Variants in SNX8 observed in about 807,000 individuals in gnomAD.
SNX8 encodes the protein sorting nexin 8.
In SNX8, 25 loss-of-function variants were observed where a neutral mutation model predicts 51.6. The ratio of observed to expected loss-of-function variants is 0.48; its 90% CI spans 0.35 to 0.68. The LOEUF (loss-of-function observed/expected upper bound fraction) is 0.68. SNX8 is among the 30% of genes least tolerant of loss of function. SNX8 has a pLI of 0.00. For synonymous variants in SNX8, 324 were observed against 277.0 expected (o/e 1.17, Z -1.68); for missense variants, 695 against 624.0 (o/e 1.11, Z -1.21).
intron 5 of SNX8, among the ~76,000 whole-genome samples, chr7:2,267,511 G>T (rs868574307): frequency 7.8e-5 from 10 of 128,634 alleles, no homozygotes; most frequent in African/African-American, 2.5e-4. Context: ...ACGGGGTTTC[G>T]CTGTGTTGGC....
At chr7:2,290,133 C>A (rs762409520) in intron 1 of SNX8, among the ~76,000 whole-genome samples, 2 of 152,112 alleles carry the variant, frequency 1.3e-5, no homozygotes, top group Non-Finnish European at 2.9e-5. Context: ...GTGGAGGTTG[C>A]AGTGCGCGGA....
chr7:2,327,745 T>G (rs1221252254), intron 1 of SNX8, among the ~76,000 whole-genome samples: 4 of 151,944 alleles, frequency 2.6e-5, no homozygotes, highest in Middle Eastern at 3.4e-3. Context: ...GGTTTCACCG[T>G]GTTAGCCAGG....
rs1301616699 is a variant in SNX8, at chr7:2,314,335, CG to C, written c.86del (p.Pro29ArgfsTer62). The C allele has an allele frequency of 4.1e-6, 5 of 1,223,224 alleles. No individual in the cohort carries two copies. Among genetic ancestry groups the C allele is most frequent in the South Asian group, 4.1e-5 (1 of 24,482 alleles). 75.8% of individuals were successfully genotyped at this position (1,223,224 alleles called of 1,614,324 possible). On this transcript the variant is annotated frameshift_variant, in exon 1 of 11. Transcript: ENST00000222990. LOFTEE classifies it high-confidence loss of function. ...EAEADEEADP[P>X]ASDLPTPQAI... is the part of the protein sequence containing the mutation. ...CGCCGCCCCACGCCCTACCTGACGC[CG>C]GGGGATCCGCCTCCTCGTCAGCCTC...
intron 1 of SNX8, among the ~76,000 whole-genome samples, chr7:2,342,688 G>A (rs1778955086): frequency 6.6e-6 from 1 of 151,796 alleles, no homozygotes; most frequent in Non-Finnish European, 1.5e-5. Flanking sequence ...TACAGTGCAT[G>A]ACAAAAGTAT....
At chr7:2,336,472 G>A (rs1234685915) in intron 1 of SNX8, among the ~76,000 whole-genome samples, 1 of 152,024 alleles carries the variant, frequency 6.6e-6, no homozygotes, top group Non-Finnish European at 1.5e-5. Flanking sequence ...ACTTTGGGAG[G>A]CCAAGGCAGG....
intron 1 of SNX8, among the ~76,000 whole-genome samples, chr7:2,298,858 ATTT>A (rs951919273): frequency 6.6e-6 from 1 of 150,718 alleles, no homozygotes; most frequent in African/African-American, 2.5e-5. Context: ...CGCCTAGCTA[ATTT>A]TTTGGATTTT....
chr7:2,337,080 T>G (rs1778845219), intron 1 of SNX8: 1 of 151,932 alleles, frequency 6.6e-6, no homozygotes, highest in African/African-American at 2.4e-5. Flanking sequence ...ATTTTGCCAG[T>G]GACAGAAATG....
intron 10 of SNX8, among the ~76,000 whole-genome samples, chr7:2,255,630 T>G (rs947818383): frequency 1.3e-5 from 2 of 152,160 alleles, no homozygotes; most frequent in African/African-American, 4.8e-5. Context: ...TCCCAGCTAC[T>G]CGGGAGGTTG....
intron 1 of SNX8, chr7:2,310,044 G>C (rs77986327): frequency 5.4e-6 from 2 of 369,100 alleles, no homozygotes; most frequent in Admixed American, 7.3e-5. Flanking sequence ...CAAGTGAAGC[G>C]TGACTCACCC....
chr7:2,281,359 C>T (rs1466984985), intron 1 of SNX8, among the ~76,000 whole-genome samples: 3 of 151,242 alleles, frequency 2.0e-5, no homozygotes, highest in African/African-American at 4.9e-5. Context: ...TTCACGGCTG[C>T]GGTATGCCAA....
intron 1 of SNX8, among the ~76,000 whole-genome samples, chr7:2,345,344 A>G (rs1779001471): frequency 6.6e-6 from 1 of 152,202 alleles, no homozygotes; most frequent in African/African-American, 2.4e-5. Context: ...CAGCACGTCC[A>G]TTTAAAGACG....
rs763487334 is a variant in SNX8 at position 2,256,904 on chromosome 7, G to C, written c.1254C>G (p.Phe418Leu). 6.2e-7 allele frequency: 1 copy of C among 1,613,508 alleles called. No individual in the cohort carries two copies. Among genetic ancestry groups the C allele is most frequent in the African/African-American group, 1.3e-5 (1 of 75,058 alleles). The change falls in exon 10 of 11, where the codon TTC becomes TTG. Residue 418 changes from phenylalanine (F) to leucine (L), a missense_variant. Coordinates refer to ENST00000222990, the MANE Select transcript of SNX8 (RefSeq NM_013321.4). The part of the protein sequence containing the change: ...LPLTSHILRA[F>L]VNSQIQGHKE... The stretch of plus-strand genomic sequence containing the variant: ...TGTGCCCTTGGATCTGAGAGTTGAC[G>C]AAGGCGCGGAGGATGTGGGAGGTGA...
chr7:2,311,529 C>A (rs2115208985), intron 1 of SNX8, among the ~76,000 whole-genome samples: 1 of 152,294 alleles, frequency 6.6e-6, no homozygotes, highest in South Asian at 2.1e-4. Flanking sequence ...GGTCTCAAGG[C>A]TGAGGTTTTC....
rs915907489 is a variant in SNX8, at chr7:2,333,036, A to C, written c.-66+21186T>G. ...ATAGTCCCAACACTTTGGGAGGCTA[A>C]GGTGGGAGGATTGCTTGAGCCCAGG... On this transcript the variant is annotated intron_variant, in intron 1 of 5. Transcript: ENST00000435336. Among the ~76,000 whole-genome samples the C allele has an allele frequency of 6.6e-5, 10 of 152,114 alleles. No homozygotes were observed. In the East Asian group the frequency reaches 1.9e-3, roughly 30 times the overall value.
intron 1 of SNX8, among the ~76,000 whole-genome samples, chr7:2,302,999 C>T (rs1386857292): frequency 5.3e-5 from 8 of 151,834 alleles, no homozygotes; most frequent in African/African-American, 1.2e-4. Context: ...CCACCCCGTC[C>T]GGGACAGAGG....
chr7:2,258,217 C>T (rs971584835), intron 7 of SNX8, among the ~76,000 whole-genome samples: 9 of 151,998 alleles, frequency 5.9e-5, no homozygotes, highest in Non-Finnish European at 1.2e-4. Flanking sequence ...GGGGTTTCAC[C>T]GTGTTAGCGA....
rs567393453 is a variant in SNX8 at position 2,266,159 on chromosome 7, G to A, written c.622-1701C>T. 2.2e-4 allele frequency among the ~76,000 whole-genome samples: 34 copies of A among 152,202 alleles called. No homozygotes were observed. The South Asian group carries it at 7.1e-3, about 32-fold the overall frequency. On this transcript the variant is annotated intron_variant, in intron 5 of 10. Coordinates refer to ENST00000222990, the MANE Select transcript of SNX8 (RefSeq NM_013321.4). ...AGATTTTTAATTTTTGTATGAAGAA[G>A]CAGGTTTTTTTCTGGTTTTTTTGTT...
rs1027982608 is a variant in SNX8 at position 2,295,352 on chromosome 7, C to T, written c.95-17047G>A. On this transcript the variant is annotated intron_variant, in intron 1 of 10. Transcript: ENST00000222990. ...TCAGGAGACGGAGGCTGCAGTGAGC[C>T]GAGTTCGTGCCATTGCACCCAGCCC... 3.4e-5 allele frequency among the ~76,000 whole-genome samples: 5 copies of T among 145,424 alleles called. No individual in the cohort carries two copies. The East Asian group carries it at 6.2e-4, about 18-fold the overall frequency.
chr7:2,312,979 G>T (rs1239277994), intron 1 of SNX8, among the ~76,000 whole-genome samples: 1 of 152,014 alleles, frequency 6.6e-6, no homozygotes, highest in Non-Finnish European at 1.5e-5. Flanking sequence ...CTCACTACAA[G>T]CTCTGCCTCC....
Sources: allele counts gnomAD v4.1 joint callset (sites outside exome capture counted in the v4.1 genomes callset), GRCh38; gene constraint gnomAD v4.1.1; transcripts MANE v1.5; gene names NCBI Gene and HGNC (gene_info 2026-07-23, HGNC 2026-07-21).